Variants in FOXP1 observed in about 807,000 individuals in gnomAD.
FOXP1 encodes the protein forkhead box P1, also known as forkhead box protein P1.
FOXP1 carries 15 observed loss-of-function variants against 98.2 expected under a neutral mutation model. The ratio of observed to expected loss-of-function variants is 0.15; its 90% CI spans 0.10 to 0.24. FOXP1 has a LOEUF of 0.24. FOXP1 is among the 10% of genes least tolerant of loss of function. FOXP1 has a pLI of 1.00. For synonymous variants in FOXP1, 371 were observed against 314.5 expected (o/e 1.18, Z -1.90); for missense variants, 633 against 848.5 (o/e 0.75, Z 3.15).
chr3:71,232,760 T>C (rs372841572), intron 5 of FOXP1, among the ~76,000 whole-genome samples: 3 of 149,770 alleles, frequency 2.0e-5, no homozygotes, highest in African/African-American at 4.9e-5. Flanking sequence ...ATTTAGCCAA[T>C]TGCAGTGATG....
At chr3:71,273,588 A>C (rs2070601466) in intron 5 of FOXP1, among the ~76,000 whole-genome samples, 1 of 152,178 alleles carries the variant, frequency 6.6e-6, no homozygotes, top group Non-Finnish European at 1.5e-5. Flanking sequence ...CCATTATTTC[A>C]GTATCCGAGA....
intron 5 of FOXP1, among the ~76,000 whole-genome samples, chr3:71,238,508 T>C (rs1332975186): frequency 6.6e-6 from 1 of 152,158 alleles, no homozygotes; most frequent in African/African-American, 2.4e-5. Flanking sequence ...ACTCTGGGGT[T>C]TTCCTGAAGG....
chr3:71,371,022 C>T (rs2079275438), intron 3 of FOXP1, among the ~76,000 whole-genome samples: 1 of 152,038 alleles, frequency 6.6e-6, no homozygotes, highest in Admixed American at 6.5e-5. Flanking sequence ...GGCAATCCAC[C>T]CACTTCAGCC....
intron 6 of FOXP1, among the ~76,000 whole-genome samples, chr3:71,182,869 T>A (rs891104339): frequency 4.0e-5 from 6 of 151,838 alleles, no homozygotes; most frequent in Non-Finnish European, 7.4e-5. Flanking sequence ...TAAACTATAA[T>A]CCCATTAACA....
At chr3:70,961,629 G>A (rs2033543774) in intron 20 of FOXP1, among the ~76,000 whole-genome samples, 1 of 151,834 alleles carries the variant, frequency 6.6e-6, no homozygotes, top group Non-Finnish European at 1.5e-5. Flanking sequence ...TACGGATGGG[G>A]ATTTTTTTTT....
intron 7 of FOXP1, among the ~76,000 whole-genome samples, chr3:71,063,004 T>A (rs2107294876): frequency 6.6e-6 from 1 of 152,360 alleles, no homozygotes; most frequent in East Asian, 1.9e-4. Flanking sequence ...GCAGTCTCAC[T>A]CTTGACAGGC....
chr3:71,575,529 A>G (rs756935959), intron 2 of FOXP1, among the ~76,000 whole-genome samples: 1 of 152,170 alleles, frequency 6.6e-6, no homozygotes, highest in Non-Finnish European at 1.5e-5. Flanking sequence ...ATTAGGACCA[A>G]CTGCAACCTC....
chr3:71,064,370 T>TAA (rs2052043270), intron 7 of FOXP1, among the ~76,000 whole-genome samples: 1 of 152,138 alleles, frequency 6.6e-6, no homozygotes, highest in South Asian at 2.1e-4. Context: ...ACACCCCAGA[T>TAA]ACGTCCCCCG....
chr3:71,371,994 A>G (rs1488083782), intron 3 of FOXP1, among the ~76,000 whole-genome samples: 1 of 150,258 alleles, frequency 6.7e-6, no homozygotes, highest in Non-Finnish European at 1.5e-5. Context: ...CATGAGGATC[A>G]TTCTTTCGTC....
intron 7 of FOXP1, among the ~76,000 whole-genome samples, chr3:71,095,035 G>A (rs936998475): frequency 2.0e-5 from 3 of 152,208 alleles, no homozygotes; most frequent in South Asian, 2.1e-4. Context: ...AACTGACACC[G>A]TGTCATGCAA....
At chr3:70,990,210 G>C (rs183830127) in intron 13 of FOXP1, among the ~76,000 whole-genome samples, 1 of 152,160 alleles carries the variant, frequency 6.6e-6, no homozygotes, top group East Asian at 1.9e-4. Flanking sequence ...GAAAACTAAT[G>C]TGTAGTATCA....
intron 7 of FOXP1, among the ~76,000 whole-genome samples, chr3:71,064,229 G>C (rs572903713): frequency 2.6e-5 from 4 of 152,152 alleles, no homozygotes; most frequent in Non-Finnish European, 4.4e-5. Context: ...CGTCGAATTT[G>C]AACAGCTAAG....
At chr3:71,276,740 A>G (rs2070936790) in intron 5 of FOXP1, among the ~76,000 whole-genome samples, 1 of 152,112 alleles carries the variant, frequency 6.6e-6, no homozygotes, top group South Asian at 2.1e-4. Context: ...AAAATGAATC[A>G]TTTCGGGGTG....
At chr3:71,191,503 A>C (rs1286061462) in intron 6 of FOXP1, among the ~76,000 whole-genome samples, 1 of 152,220 alleles carries the variant, frequency 6.6e-6, no homozygotes, top group Non-Finnish European at 1.5e-5. Flanking sequence ...CTCCTCTGTT[A>C]CAGGTCTTTT....
chr3:70,972,791 G>T, intron 17 of FOXP1, 115 bp from the exon 18 acceptor site: 1 of 1,046,574 alleles, frequency 9.6e-7, no homozygotes, highest in Non-Finnish European at 1.4e-6. Flanking sequence ...AAGAGCTGTA[G>T]CTACCACCCC....
At chr3:71,272,371 GT>G (rs2070449307) in intron 5 of FOXP1, among the ~76,000 whole-genome samples, 1 of 152,164 alleles carries the variant, frequency 6.6e-6, no homozygotes, top group Non-Finnish European at 1.5e-5. Context: ...GAGGCTCCGT[GT>G]AGAATTATAC....
intron 3 of FOXP1, among the ~76,000 whole-genome samples, chr3:71,436,759 A>C (rs1312602879): frequency 6.6e-6 from 1 of 152,084 alleles, no homozygotes; most frequent in East Asian, 1.9e-4. Flanking sequence ...CTGGAAACCA[A>C]CTCCGACTTG....
At chr3:71,472,188 G>A (rs540331817) in intron 3 of FOXP1, among the ~76,000 whole-genome samples, 6 of 152,052 alleles carry the variant, frequency 3.9e-5, no homozygotes, top group Non-Finnish European at 8.8e-5. Context: ...ATACCTTTTT[G>A]TCAGGGTGTT....
intron 5 of FOXP1, among the ~76,000 whole-genome samples, chr3:71,286,702 A>C (rs1046111087): frequency 5.3e-5 from 8 of 152,194 alleles, no homozygotes; most frequent in Non-Finnish European, 1.0e-4. Flanking sequence ...ATCAGAAACA[A>C]AACAAAACAA....
Sources: allele counts gnomAD v4.1 joint callset (sites outside exome capture counted in the v4.1 genomes callset), GRCh38; gene constraint gnomAD v4.1.1; transcripts MANE v1.5; gene names NCBI Gene and HGNC (gene_info 2026-07-23, HGNC 2026-07-21).